The following MBNL2 variants were observed in gnomAD, a reference collection of about 807,000 sequenced individuals.
The protein encoded by MBNL2 is muscleblind-like protein 2.
A neutral mutation model predicts 41.9 loss-of-function variants in MBNL2; 17 were observed. That is an observed-to-expected ratio of 0.41 (90% CI 0.28 to 0.61). The LOEUF is 0.61. Ranked by LOEUF, MBNL2 falls within the 20% of genes least tolerant of loss-of-function variation. The probability of loss-of-function intolerance (pLI) is 0.35; values close to 1 mark genes in which losing one functional copy is unlikely to be tolerated. For missense variants in MBNL2, 336 were observed against 505.6 expected (o/e 0.66, Z 3.22); for synonymous variants, 195 against 182.9 (o/e 1.07, Z -0.53).
intron 2 of MBNL2, among the ~76,000 whole-genome samples, chr13:97,323,079 A>T (rs934989209): frequency 1.3e-5 from 2 of 152,164 alleles, no homozygotes; most frequent in Non-Finnish European, 2.9e-5. Flanking sequence ...CTGAGATGGA[A>T]GTCATTTCCA....
chr13:97,386,997 G>A (rs1011432334), intron 8 of MBNL2, among the ~76,000 whole-genome samples: 6 of 151,662 alleles, frequency 4.0e-5, no homozygotes, highest in African/African-American at 7.3e-5. Flanking sequence ...CAGATACTGT[G>A]GGCATCAGCT....
chr13:97,324,594 A>G (rs1363724806), intron 2 of MBNL2, among the ~76,000 whole-genome samples: 2 of 152,160 alleles, frequency 1.3e-5, no homozygotes, highest in African/African-American at 4.8e-5. Flanking sequence ...GGATAGATGT[A>G]TATATGAAGG....
In MBNL2 at chr13:97,334,532, G is replaced by C; in HGVS notation, c.339+92G>C. 4.7e-6 allele frequency: 4 copies of C among 848,670 alleles called. No individual in the cohort carries two copies. Among genetic ancestry groups the C allele is most frequent in the Non-Finnish European group, 7.0e-6 (4 of 570,744 alleles). The allele number at this position is 848,670 out of a possible 1,614,324, so 52.6% of individuals were successfully genotyped here. ...ACCTAGGGTGGCCTCTCTCCACTTT[G>C]TCACTTTGGTTACAATTAAAGCAAA... On this transcript the variant is annotated intron_variant, in intron 3 of 8. Transcript: ENST00000679496. This position sits in a 1 kb window ranked among gnomAD's most constrained non-coding sequence, Gnocchi z 5.3.
intron 1 of MBNL2, among the ~76,000 whole-genome samples, chr13:97,264,165 C>A (rs962112655): frequency 3.3e-5 from 5 of 151,658 alleles, no homozygotes; most frequent in African/African-American, 1.2e-4. Context: ...GTAGCTGGGA[C>A]TACAGGTTCC....
chr13:97,342,079 A>G (rs2061486441), intron 3 of MBNL2, among the ~76,000 whole-genome samples: 1 of 152,238 alleles, frequency 6.6e-6, no homozygotes, highest in East Asian at 1.9e-4. Flanking sequence ...AATTTGGTGT[A>G]CAATTTATTC....
the MBNL2 span, among the ~76,000 whole-genome samples, chr13:97,157,623 A>G: frequency 6.6e-6 from 1 of 150,392 alleles, no homozygotes; most frequent in African/African-American, 2.5e-5. Flanking sequence ...GAATTTTGTC[A>G]AAGGCCTTTT....
chr13:97,344,914 A>C (rs187379149), intron 4 of MBNL2, among the ~76,000 whole-genome samples: 36 of 152,356 alleles, frequency 2.4e-4, no homozygotes, highest in African/African-American at 8.2e-4. Flanking sequence ...AGTCAGCTGC[A>C]CACAAAGCAC....
chr13:97,201,909 A>G, the MBNL2 span, among the ~76,000 whole-genome samples: 1 of 152,352 alleles, frequency 6.6e-6, no homozygotes, highest in Non-Finnish European at 1.5e-5. Context: ...TAATGCTGGA[A>G]TACAAATGAT....
chr13:97,323,847 G>C (rs1411013526), intron 2 of MBNL2, among the ~76,000 whole-genome samples: 1 of 152,096 alleles, frequency 6.6e-6, no homozygotes, highest in Non-Finnish European at 1.5e-5. Context: ...TGTTGATACA[G>C]ACATGCAATG....
chr13:97,266,950 T>G (rs1430557421), intron 1 of MBNL2, among the ~76,000 whole-genome samples: 2 of 152,222 alleles, frequency 1.3e-5, no homozygotes, highest in Non-Finnish European at 2.9e-5. Flanking sequence ...GAGGCCGATG[T>G]CTGGCAGGCA....
chr13:97,253,364 A>G (rs147848721), intron 1 of MBNL2, among the ~76,000 whole-genome samples: 123 of 152,326 alleles, frequency 8.1e-4, no homozygotes, highest in African/African-American at 2.6e-3. Context: ...TTAGGGATGC[A>G]TAGTTCTGCT....
At chr13:97,329,017 A>C (rs777194319) in intron 2 of MBNL2, among the ~76,000 whole-genome samples, 1 of 152,206 alleles carries the variant, frequency 6.6e-6, no homozygotes, top group African/African-American at 2.4e-5. Context: ...CATGTAATTT[A>C]ATGGCTATGT....
intron 1 of MBNL2, among the ~76,000 whole-genome samples, chr13:97,267,120 T>C (rs1407063073): frequency 1.3e-5 from 2 of 152,178 alleles, no homozygotes; most frequent in African/African-American, 2.4e-5. Context: ...TAGAAAGCAA[T>C]GGCACGGAGG....
At chr13:97,374,243 G>T (rs981444144) in intron 8 of MBNL2, among the ~76,000 whole-genome samples, 1 of 151,564 alleles carries the variant, frequency 6.6e-6, no homozygotes, top group Non-Finnish European at 1.5e-5. Context: ...CGCCTCCCGG[G>T]TTCACGCCAT....
chr13:97,225,043 G>C (rs552837671), intron 1 of MBNL2, among the ~76,000 whole-genome samples: 10 of 152,370 alleles, frequency 6.6e-5, no homozygotes, highest in African/African-American at 2.4e-4. Flanking sequence ...AAATATGCTT[G>C]TGAAATATAC....
At chr13:97,287,022 A>C (rs1283655077) in intron 2 of MBNL2, among the ~76,000 whole-genome samples, 1 of 152,168 alleles carries the variant, frequency 6.6e-6, no homozygotes, top group East Asian at 1.9e-4. Context: ...TTTAGATTCT[A>C]ACTGTTCCAA....
intron 8 of MBNL2, among the ~76,000 whole-genome samples, chr13:97,387,348 CT>C (rs1334308214): frequency 6.6e-6 from 1 of 152,156 alleles, no homozygotes; most frequent in Non-Finnish European, 1.5e-5. Context: ...TGGAGGAGCC[CT>C]GGGGCAGGAT....
chr13:97,209,197 C>T, the MBNL2 span, among the ~76,000 whole-genome samples: 390 of 152,186 alleles, frequency 2.6e-3, 3 homozygotes, highest in African/African-American at 8.9e-3. Context: ...GATAATGTCA[C>T]CCATTATTAT....
chr13:97,290,630 T>C (rs1243351832), intron 2 of MBNL2, among the ~76,000 whole-genome samples: 16 of 147,612 alleles, frequency 1.1e-4, no homozygotes, highest in Non-Finnish European at 2.2e-4. Context: ...GAGCCGAGAT[T>C]GCGCCACTGC....
Sources: gnomAD v4.1 joint callset for allele counts (sites outside exome capture counted in the v4.1 genomes callset) on GRCh38, gnomAD v4.1.1 for gene constraint, Gnocchi (gnomAD v3.1) non-coding constraint, MANE v1.5 for transcripts, NCBI Gene and HGNC (gene_info 2026-07-23, HGNC 2026-07-21) for gene names.